PARD3: variants seen among roughly 807,000 people sequenced by gnomAD.
PARD3 encodes the protein partitioning defective 3 homolog.
A neutral mutation model predicts 155.4 loss-of-function variants in PARD3; 75 were observed. That is an observed-to-expected ratio of 0.48 (90% CI 0.40 to 0.58). The LOEUF (loss-of-function observed/expected upper bound fraction) is 0.58. Among genes scored for constraint, PARD3 ranks in the 20% least tolerant of loss-of-function variants. PARD3 has a pLI of 0.00. For missense variants in PARD3, 1,642 were observed against 1,721.7 expected (o/e 0.95, Z 0.82); for synonymous variants, 576 against 610.5 (o/e 0.94, Z 0.83).
At chr10:34,463,513 T>C (rs2077813985) in intron 4 of PARD3, among the ~76,000 whole-genome samples, 1 of 152,212 alleles carries the variant, frequency 6.6e-6, no homozygotes, top group African/African-American at 2.4e-5. Flanking sequence ...TATATTTTTG[T>C]ATTGATAGTC....
At chr10:34,196,396 T>C (rs994315231) in intron 22 of PARD3, among the ~76,000 whole-genome samples, 8 of 152,162 alleles carry the variant, frequency 5.3e-5, no homozygotes, top group African/African-American at 1.9e-4. Flanking sequence ...AATCTCCTTA[T>C]ATTGCACTGG....
chr10:34,772,510 C>T (rs115254783), intron 1 of PARD3, among the ~76,000 whole-genome samples: 46 of 150,950 alleles, frequency 3.0e-4, no homozygotes, highest in Middle Eastern at 3.6e-3. Flanking sequence ...GAGGAATACA[C>T]GCCGGGCATG....
intron 19 of PARD3, among the ~76,000 whole-genome samples, chr10:34,318,715 T>C (rs910115198): frequency 1.3e-5 from 2 of 152,200 alleles, no homozygotes; most frequent in Admixed American, 6.5e-5. Context: ...GTTTTTTTGT[T>C]AAAAAGCCAG....
At chr10:34,329,956 T>A (rs1032477346) in intron 19 of PARD3, among the ~76,000 whole-genome samples, 11 of 152,152 alleles carry the variant, frequency 7.2e-5, no homozygotes, top group South Asian at 6.2e-4. Context: ...CAAAATGTGA[T>A]CTTTATTACT....
intron 2 of PARD3, among the ~76,000 whole-genome samples, chr10:34,567,314 A>G (rs184530646): frequency 6.6e-6 from 1 of 152,354 alleles, no homozygotes; most frequent in East Asian, 1.9e-4. Flanking sequence ...TTTTTTAAAA[A>G]CAATGTCAAA....
intron 22 of PARD3, among the ~76,000 whole-genome samples, chr10:34,202,618 A>C (rs1228196823): frequency 3.3e-5 from 5 of 152,208 alleles, no homozygotes; most frequent in Non-Finnish European, 7.3e-5. Flanking sequence ...TTTGCTCAAC[A>C]TATCTGAGAA....
intron 1 of PARD3, among the ~76,000 whole-genome samples, chr10:34,725,121 G>GTGTT (rs1564549278): frequency 3.2e-5 from 4 of 123,764 alleles, no homozygotes; most frequent in Admixed American, 8.6e-5. Flanking sequence ...GTGTGTGTGT[G>GTGTT]TGTGTGTGTG....
intron 7 of PARD3, among the ~76,000 whole-genome samples, chr10:34,397,365 T>C (rs545402326): frequency 6.6e-6 from 1 of 152,300 alleles, no homozygotes; most frequent in Admixed American, 6.5e-5. Flanking sequence ...ATATGAAAAT[T>C]GGTGATGCCT....
intron 8 of PARD3, 113 bp from the exon 9 acceptor site, chr10:34,383,035 T>C (rs1175320589): frequency 1.7e-5 from 20 of 1,161,190 alleles, no homozygotes; most frequent in Non-Finnish European, 2.4e-5. Context: ...GCTGTTGAAA[T>C]TGAAAAGCAA....
intron 1 of PARD3, among the ~76,000 whole-genome samples, chr10:34,748,836 G>A (rs918903364): frequency 7.9e-5 from 12 of 152,078 alleles, no homozygotes; most frequent in South Asian, 2.1e-4. Flanking sequence ...ATCCTATGAC[G>A]CTGTAACTCA....
chr10:34,546,549 T>C (rs1397402160), intron 2 of PARD3, among the ~76,000 whole-genome samples: 3 of 151,772 alleles, frequency 2.0e-5, no homozygotes, highest in Non-Finnish European at 4.4e-5. Flanking sequence ...GTTGTTGTTT[T>C]TTTTTGAGAC....
intron 4 of PARD3, among the ~76,000 whole-genome samples, chr10:34,467,331 G>A (rs1174188183): frequency 1.5e-5 from 2 of 132,764 alleles, no homozygotes; most frequent in Non-Finnish European, 3.1e-5. Flanking sequence ...ACTCCAACTT[G>A]TGTGTGTGTG....
intron 2 of PARD3, among the ~76,000 whole-genome samples, chr10:34,606,817 A>C (rs1346621494): frequency 6.6e-6 from 1 of 151,236 alleles, no homozygotes; most frequent in Non-Finnish European, 1.5e-5. Context: ...AAATACAAAA[A>C]TTAGCTGGGC....
chr10:34,306,099 G>A (rs907364970), intron 20 of PARD3, among the ~76,000 whole-genome samples: 16 of 151,874 alleles, frequency 1.1e-4, no homozygotes, highest in African/African-American at 3.9e-4. Context: ...TTGGAGACCA[G>A]CATGGCATAC....
intron 1 of PARD3, among the ~76,000 whole-genome samples, chr10:34,793,022 A>G (rs1477059634): frequency 6.6e-6 from 1 of 152,196 alleles, no homozygotes; most frequent in Non-Finnish European, 1.5e-5. Flanking sequence ...CACCATCTGG[A>G]CAATGCCTGG....
At chr10:34,663,597 TAAA>T (rs530943454) in intron 2 of PARD3, among the ~76,000 whole-genome samples, 1 of 152,012 alleles carries the variant, frequency 6.6e-6, no homozygotes, top group Admixed American at 6.5e-5. Flanking sequence ...AAAAAATTTT[TAAA>T]AAAAGTTCCT....
At chr10:34,639,837 G>C (rs2092610515) in intron 2 of PARD3, among the ~76,000 whole-genome samples, 1 of 151,966 alleles carries the variant, frequency 6.6e-6, no homozygotes, top group Admixed American at 6.6e-5. Flanking sequence ...CTGCACTCCA[G>C]CCTCGGTAAC....
chr10:34,403,284 A>AAC (rs1367627765), intron 5 of PARD3, among the ~76,000 whole-genome samples: 1 of 152,174 alleles, frequency 6.6e-6, no homozygotes, highest in African/African-American at 2.4e-5. Context: ...AACTTTTTTC[A>AAC]ACATAATTCA....
At position 34,280,502 on chromosome 10, in the gene PARD3, G is replaced by C. The variant is rs145414554; in HGVS notation, c.3176+3633C>G. Among the ~76,000 whole-genome samples the C allele has an allele frequency of 9.3e-3, 1,415 of 152,288 alleles. 26 individuals carry two copies. Among genetic ancestry groups the C allele is most frequent in the African/African-American group, 0.032 (1,325 of 41,558 alleles). ...TTAAAAAGGTACATTTTTTAAACAA[G>C]TGAGAAAGGTGGGAAAGAGAAAACT... On this transcript the variant is annotated intron_variant, in intron 21 of 24. Coordinates refer to ENST00000374788, the MANE Select transcript of PARD3 (RefSeq NM_001184785.2).
Sources: gnomAD v4.1 joint callset for allele counts (sites outside exome capture counted in the v4.1 genomes callset) on GRCh38, gnomAD v4.1.1 for gene constraint, MANE v1.5 for transcripts, NCBI Gene and HGNC (gene_info 2026-07-23, HGNC 2026-07-21) for gene names.